HDAC4: variants seen among roughly 807,000 people sequenced by gnomAD.
HDAC4 encodes histone deacetylase 4, also known as histone deacetylase A.
HDAC4 carries 16 observed loss-of-function variants against 135.1 expected under a neutral mutation model. The ratio of observed to expected loss-of-function variants is 0.12; its 90% CI spans 0.08 to 0.18. HDAC4 has a LOEUF of 0.18. Among genes scored for constraint, HDAC4 ranks in the 10% least tolerant of loss-of-function variants. HDAC4 has a pLI of 1.00. For synonymous variants in HDAC4, 685 were observed against 653.4 expected (o/e 1.05, Z -0.74); for missense variants, 1,143 against 1,511.8 (o/e 0.76, Z 4.05).
chr2:239,314,180 C>T (rs1036072472), intron 2 of HDAC4, among the ~76,000 whole-genome samples: 13 of 152,318 alleles, frequency 8.5e-5, no homozygotes, highest in Middle Eastern at 3.4e-3. Flanking sequence ...CAGAAACCTT[C>T]TCTAGAGGAA....
chr2:239,335,286 A>G (rs1473748736), intron 2 of HDAC4, among the ~76,000 whole-genome samples: 1 of 152,000 alleles, frequency 6.6e-6, no homozygotes, highest in Non-Finnish European at 1.5e-5. Context: ...AGAAGAAAGG[A>G]TGACTCTTTT....
chr2:239,385,793 C>T (rs560048804), intron 1 of HDAC4, among the ~76,000 whole-genome samples: 8 of 152,234 alleles, frequency 5.3e-5, no homozygotes, highest in East Asian at 3.9e-4. Flanking sequence ...CGGTGAGTGC[C>T]GAGGAAGCCA....
At chr2:239,373,213 T>C (rs1694760089) in intron 1 of HDAC4, among the ~76,000 whole-genome samples, 1 of 152,168 alleles carries the variant, frequency 6.6e-6, no homozygotes, top group South Asian at 2.1e-4. Flanking sequence ...CCTCCAGCCA[T>C]GCCCGACACT....
chr2:239,206,374 A>G (rs1309313189), intron 3 of HDAC4, among the ~76,000 whole-genome samples: 1 of 150,794 alleles, frequency 6.6e-6, no homozygotes, highest in African/African-American at 2.5e-5. Flanking sequence ...TACGGCTGTT[A>G]TATACATGCA....
At position 239,331,064 on chromosome 2, in the gene HDAC4, A is replaced by T. The variant is rs1575704330; in HGVS notation, c.22+21614T>A. Among the ~76,000 whole-genome samples the T allele has an allele frequency of 6.6e-6, 1 of 152,216 alleles. No individual in the cohort carries two copies. The highest frequency in any genetic ancestry group is 1.5e-5 in the Non-Finnish European group (1 of 68,036). ...AAATTCGGAGTGGGGAGGAAGGCAG[A>T]TATGCCTGAATACAGCCCAGAGGAC... On this transcript the variant is annotated intron_variant, in intron 2 of 26. Transcript: ENST00000543185. The surrounding 1 kb of genome is among the most constrained non-coding windows in gnomAD (Gnocchi z 4.5).
intron 2 of HDAC4, among the ~76,000 whole-genome samples, chr2:239,290,593 A>G (rs1042357942): frequency 6.6e-6 from 1 of 152,202 alleles, no homozygotes; most frequent in African/African-American, 2.4e-5. Context: ...ACACACACAC[A>G]CACACACAGG....
chr2:239,132,931 C>G (rs1057499909), intron 11 of HDAC4, among the ~76,000 whole-genome samples: 1 of 152,254 alleles, frequency 6.6e-6, no homozygotes, highest in South Asian at 2.1e-4. Context: ...GAGACTCAGA[C>G]GCAACCTCAG....
Position 239,352,119 on chromosome 2 carries a change from G to C in HDAC4, c.22+559C>G, listed in dbSNP as rs999698171. Among the ~76,000 whole-genome samples the C allele has an allele frequency of 3.9e-5, 6 of 152,216 alleles. No homozygotes were observed. Among genetic ancestry groups the C allele is most frequent in the African/African-American group, 1.4e-4 (6 of 41,452 alleles). On this transcript the variant is annotated intron_variant, in intron 2 of 26. Transcript: ENST00000543185. This position sits in a 1 kb window ranked among gnomAD's most constrained non-coding sequence, Gnocchi z 4.4. ...TGTGGGTCCCCCACCTACCAGCTCT[G>C]TGACCTCAGGCAAATTACTTCTTCC...
intron 18 of HDAC4, among the ~76,000 whole-genome samples, chr2:239,088,239 T>A (rs1036476295): frequency 2.4e-4 from 36 of 152,192 alleles, no homozygotes; most frequent in African/African-American, 7.7e-4. Context: ...GCCATAAAAA[T>A]GGATTCCAGT....
At chr2:239,124,660 A>G (rs2039993729) in intron 12 of HDAC4, among the ~76,000 whole-genome samples, 1 of 151,922 alleles carries the variant, frequency 6.6e-6, no homozygotes, top group African/African-American at 2.4e-5. Flanking sequence ...GTTATATGAC[A>G]TTCCGGTGTG....
At position 239,118,832 on chromosome 2, in the gene HDAC4, A is replaced by C. The variant is rs554490518; in HGVS notation, c.1534-3522T>G. Among the ~76,000 whole-genome samples, 3 of 152,298 alleles carry C rather than the reference A, an allele frequency of 2.0e-5. No homozygotes were observed. In the East Asian group the frequency reaches 5.8e-4, roughly 29 times the overall value. ...AGGTTTCTCAGTGGTTGACCAAAAA[A>C]AGCATGTGTTTCAACACTAGTTTCA... On this transcript the variant is annotated intron_variant, in intron 12 of 26. Coordinates refer to ENST00000543185, the MANE Select transcript of HDAC4 (RefSeq NM_001378414.1).
intron 3 of HDAC4, among the ~76,000 whole-genome samples, chr2:239,226,671 G>GGGC (rs1193408829): frequency 2.0e-5 from 3 of 152,146 alleles, no homozygotes; most frequent in Non-Finnish European, 4.4e-5. Context: ...GTAATGGGGG[G>GGGC]GGTGATAAAT....
intron 7 of HDAC4, among the ~76,000 whole-genome samples, chr2:239,156,002 T>A (rs1242331167): frequency 6.6e-6 from 1 of 152,228 alleles, no homozygotes; most frequent in African/African-American, 2.4e-5. Flanking sequence ...GCCACTGCCG[T>A]GGCCCCTGAG....
chr2:239,231,184 G>A (rs1051403369), intron 3 of HDAC4, among the ~76,000 whole-genome samples: 1 of 152,080 alleles, frequency 6.6e-6, no homozygotes, highest in African/African-American at 2.4e-5. Flanking sequence ...ACAGATACAC[G>A]TTTCCCAGGA....
chr2:239,364,900 G>A lies in HDAC4; in HGVS notation c.-219-11982C>T, dbSNP rs138417081. Among the ~76,000 whole-genome samples, 15 of 152,266 alleles carry A rather than the reference G, an allele frequency of 9.9e-5. No individual in the cohort carries two copies. In the East Asian group the frequency reaches 2.5e-3, roughly 25 times the overall value. On this transcript the variant is annotated intron_variant, in intron 1 of 26. Coordinates refer to ENST00000543185, the MANE Select transcript of HDAC4 (RefSeq NM_001378414.1). ...CTCTTAAAAGAAACCTCGCAGAAACGGAAAAGAATTCTTTCAGAACCCACG... is the reference window on the plus strand; with the variant it reads ...CTCTTAAAAGAAACCTCGCAGAAACAGAAAAGAATTCTTTCAGAACCCACG...
At chr2:239,235,015 T>C (rs888546255) in intron 3 of HDAC4, among the ~76,000 whole-genome samples, 8 of 152,086 alleles carry the variant, frequency 5.3e-5, no homozygotes, top group Non-Finnish European at 1.5e-5. Context: ...TGAGAGAAAG[T>C]GAAAACCAAA....
At chr2:239,362,958 G>C (rs1031966550) in intron 1 of HDAC4, among the ~76,000 whole-genome samples, 1 of 152,172 alleles carries the variant, frequency 6.6e-6, no homozygotes, top group Non-Finnish European at 1.5e-5. Context: ...GGATTGCTGA[G>C]TAAAAGGTCA....
chr2:239,075,292 G>A (rs1433210482), intron 22 of HDAC4, among the ~76,000 whole-genome samples: 4 of 148,972 alleles, frequency 2.7e-5, no homozygotes, highest in Non-Finnish European at 4.4e-5. Flanking sequence ...GATGTTTGCC[G>A]TGGGCCTCTC....
At chr2:239,302,616 C>T (rs2052335833) in intron 2 of HDAC4, among the ~76,000 whole-genome samples, 1 of 152,256 alleles carries the variant, frequency 6.6e-6, no homozygotes, top group Non-Finnish European at 1.5e-5. Flanking sequence ...GCCCAGCCAT[C>T]CAGTGACTTT....
Sources: gnomAD v4.1 joint callset for allele counts (sites outside exome capture counted in the v4.1 genomes callset) on GRCh38, gnomAD v4.1.1 for gene constraint, Gnocchi (gnomAD v3.1) non-coding constraint, MANE v1.5 for transcripts, NCBI Gene and HGNC (gene_info 2026-07-23, HGNC 2026-07-21) for gene names.